The following PLCE1 variants were observed in gnomAD, a reference collection of about 807,000 sequenced individuals.
PLCE1 encodes phospholipase C epsilon 1.
PLCE1 carries 119 observed loss-of-function variants against 242.8 expected under a neutral mutation model. The observed-to-expected ratio is 0.49, with a 90% CI of 0.42 to 0.57. The LOEUF is 0.57. Ranked by LOEUF, PLCE1 falls within the 20% of genes least tolerant of loss-of-function variation. The pLI is 0.00. For synonymous variants in PLCE1, 945 were observed against 1,017.4 expected, an observed-to-expected ratio of 0.93 and a Z score of 1.35; for missense variants, 2,441 against 2,788.8, an observed-to-expected ratio of 0.88 and a Z score of 2.81.
chr10:94,202,048 G>T (rs973499584), intron 4 of PLCE1, among the ~76,000 whole-genome samples: 2 of 152,158 alleles, frequency 1.3e-5, no homozygotes, highest in Non-Finnish European at 2.9e-5. Context: ...TTGGTTTTAG[G>T]GGTTTTTGTG....
In PLCE1 at chr10:94,328,046, A is replaced by AATTG. The variant is rs750225258; in HGVS notation, c.*106_*109dup. ...TTATTTTCATCAGACTTAAACTGGA[A>AATTG]ATTGATGATTTCTGAACTGAAGCCT... On this transcript the variant is annotated 3_prime_UTR_variant, in exon 33 of 33. Transcript: ENST00000371380. 5.9e-6 allele frequency: 3 copies of AATTG among 510,622 alleles called. No homozygotes were observed. The highest frequency in any genetic ancestry group is 3.9e-5 in the African/African-American group (2 of 51,554). 31.6% of individuals were successfully genotyped at this position (510,622 alleles called of 1,614,324 possible). A position where few individuals can be genotyped will look rare whatever the true frequency, so the allele number is the denominator to read the frequency against.
rs2051649152 is a variant in PLCE1 at position 94,269,549 on chromosome 10, ACT to A, written c.4389+517_4389+518del. Among the ~76,000 whole-genome samples the A allele has an allele frequency of 4.0e-5, 6 of 151,860 alleles. No individual in the cohort carries two copies. The South Asian group carries it at 1.3e-3, about 32-fold the overall frequency. ...TTCATTTTTCTGGAGTTAATCTAGA[ACT>A]CTCATTAGATTCCCCATTCAACCCA... On this transcript the variant is annotated intron_variant, in intron 17 of 32. Transcript: ENST00000371380.
chr10:94,294,689 G>A (rs764134996), intron 23 of PLCE1, among the ~76,000 whole-genome samples: 1 of 152,100 alleles, frequency 6.6e-6, no homozygotes, highest in Admixed American at 6.5e-5. Flanking sequence ...ACAATCATCT[G>A]AGCCTGTAGC....
At chr10:94,296,403 G>T (rs1484749665) in intron 23 of PLCE1, among the ~76,000 whole-genome samples, 1 of 151,306 alleles carries the variant, frequency 6.6e-6, no homozygotes, top group African/African-American at 2.4e-5. Context: ...GTTTAATGTA[G>T]CCACCTTCAT....
intron 2 of PLCE1, among the ~76,000 whole-genome samples, chr10:94,115,087 G>A (rs2046080577): frequency 6.6e-6 from 1 of 151,268 alleles, no homozygotes; most frequent in Non-Finnish European, 1.5e-5. Context: ...TCCCTACAAA[G>A]GACATGAACT....
At position 94,323,500 on chromosome 10, in the gene PLCE1, C is replaced by T. The variant is rs182038767; in HGVS notation, c.6502-849C>T. Among the ~76,000 whole-genome samples, 1,046 of 152,306 alleles carry T rather than the reference C, an allele frequency of 6.9e-3. 5 individuals are homozygous for T. Among genetic ancestry groups the T allele is most frequent in the Non-Finnish European group, 0.01 (696 of 68,016 alleles). Reference sequence around the variant, plus strand: ...TAAATGCCCCTACCATATCTGATTTCACCAGACTATTCCCGTTGGCTCCAG... The same window carrying T: ...TAAATGCCCCTACCATATCTGATTTTACCAGACTATTCCCGTTGGCTCCAG... On this transcript the variant is annotated intron_variant, in intron 30 of 32. Transcript: ENST00000371380.
At position 94,330,101 on chromosome 10, in the gene PLCE1, CTG is replaced by C. The variant is rs1460232282; in HGVS notation, c.*2161_*2162del. On this transcript the variant is annotated 3_prime_UTR_variant, in exon 33 of 33. Transcript: ENST00000371380. The stretch of plus-strand genomic sequence containing the variant: ...TAAGTGGCTAGAGGCCAAATGAAAA[CTG>C]TGCAGAGTAACAAGATGAAAAGACT... 2 of 152,166 alleles carry C rather than the reference CTG, an allele frequency of 1.3e-5. No individual in the cohort carries two copies. Among genetic ancestry groups the C allele is most frequent in the Admixed American group, 1.3e-4 (2 of 15,274 alleles). The allele number at this position is 152,166 out of a possible 1,614,324, so 9.4% of individuals were successfully genotyped here. A position where few individuals can be genotyped will look rare whatever the true frequency, so the allele number is the denominator to read the frequency against.
intron 20 of PLCE1, 78 bp downstream of exon 20, chr10:94,279,989 CTA>C: frequency 6.8e-7 from 1 of 1,469,888 alleles, no homozygotes; most frequent in Non-Finnish European, 9.5e-7. Context: ...TAAAATAAGT[CTA>C]GAGCGCCAAA....
At position 94,198,706 on chromosome 10, in the gene PLCE1, A is replaced by G. The variant is rs555851335; in HGVS notation, c.1809+27210A>G. On this transcript the variant is annotated intron_variant, in intron 4 of 32. Transcript: ENST00000371380. ...GAATGTAGCAGAAATAGAATCTTAC[A>G]GTAGGTAGTCTTTTGAGCCTGGCTT... 4.4e-4 allele frequency among the ~76,000 whole-genome samples: 67 copies of G among 152,300 alleles called. 1 individual carries two copies. The South Asian group carries it at 0.014, about 31-fold the overall frequency.
At chr10:94,190,784 A>AGTAT (rs2048635895) in intron 4 of PLCE1, among the ~76,000 whole-genome samples, 2 of 152,258 alleles carry the variant, frequency 1.3e-5, no homozygotes, top group African/African-American at 2.4e-5. Flanking sequence ...ATGAGAGTAA[A>AGTAT]GTATGATCTT....
At chr10:94,152,452 G>GA (rs2047304734) in intron 3 of PLCE1, among the ~76,000 whole-genome samples, 1 of 152,120 alleles carries the variant, frequency 6.6e-6, no homozygotes, top group Non-Finnish European at 1.5e-5. Context: ...GTTGAAAAGG[G>GA]AAAATGAACA....
At chr10:94,106,912 T>TTTCTCTCTCTCTCTCTCTC (rs2045756641) in intron 2 of PLCE1, among the ~76,000 whole-genome samples, 1 of 38,734 alleles carries the variant, frequency 2.6e-5, no homozygotes, top group Non-Finnish European at 5.0e-5. Flanking sequence ...TGTCTCTTGT[T>TTTCTCTCTCTCTCTCTCTC]TCTCTCTCTC....
chr10:94,103,600 G>A (rs576571950), intron 2 of PLCE1, among the ~76,000 whole-genome samples: 1 of 152,324 alleles, frequency 6.6e-6, no homozygotes, highest in African/African-American at 2.4e-5. Flanking sequence ...GTGTACCTAT[G>A]TAAGAAAACT....
At chr10:94,273,527 G>C (rs770226348) in intron 18 of PLCE1, 35 bp from the exon 19 acceptor site, 5 of 1,569,226 alleles carry the variant, frequency 3.2e-6, no homozygotes, top group Non-Finnish European at 4.4e-6. Context: ...ATAGATAAAA[G>C]GCATTGATTG....
chr10:93,995,130 A>G (rs1240079413), intron 1 of PLCE1, among the ~76,000 whole-genome samples: 1 of 152,188 alleles, frequency 6.6e-6, no homozygotes, highest in Non-Finnish European at 1.5e-5. Flanking sequence ...CCCACTAGGG[A>G]GAATTTTTGA....
intron 29 of PLCE1, among the ~76,000 whole-genome samples, chr10:94,317,408 A>G (rs1006422337): frequency 7.9e-5 from 12 of 152,240 alleles, no homozygotes; most frequent in Admixed American, 7.8e-4. Context: ...GTGTGAAAAG[A>G]CATCGTTGTG....
chr10:94,061,831 G>T (rs780591329), intron 2 of PLCE1, among the ~76,000 whole-genome samples: 1 of 152,122 alleles, frequency 6.6e-6, no homozygotes, highest in Non-Finnish European at 1.5e-5. Context: ...ACTAGTTTTT[G>T]CTGTTACATG....
rs59467798 is a variant in PLCE1, at chr10:94,330,162, G to GCTTT, written c.*2221_*2222insTTCT. 0.31 allele frequency: 46,489 copies of GCTTT among 151,778 alleles called. 7,381 individuals carry two copies. The highest frequency in any genetic ancestry group is 0.47 in the Middle Eastern group (137 of 292). The allele number at this position is 151,778 out of a possible 1,614,324, so 9.4% of individuals were successfully genotyped here. On this transcript the variant is annotated 3_prime_UTR_variant, in exon 33 of 33. Coordinates refer to ENST00000371380, the MANE Select transcript of PLCE1 (RefSeq NM_016341.4). ...TAGGTTTATCACATTTGATTCTGAT[G>GCTTT]CTAAGCGCTGCCCCACTCCTCCTCC...
At chr10:94,125,738 G>A (rs1290544448) in intron 2 of PLCE1, among the ~76,000 whole-genome samples, 1 of 152,080 alleles carries the variant, frequency 6.6e-6, no homozygotes, top group Non-Finnish European at 1.5e-5. Flanking sequence ...CAGAAGATAT[G>A]CCATCAGATC....
Sources: allele counts gnomAD v4.1 joint callset (sites outside exome capture counted in the v4.1 genomes callset), GRCh38; gene constraint gnomAD v4.1.1; transcripts MANE v1.5; gene names NCBI Gene and HGNC (gene_info 2026-07-23, HGNC 2026-07-21).